Variants in NEBL observed in about 807,000 individuals in gnomAD.
NEBL encodes nebulette.
Under a neutral mutation model 140.2 loss-of-function variants are expected in NEBL, and 122 were observed. That is an observed-to-expected ratio of 0.87 (90% CI 0.75 to 1.01). The LOEUF (loss-of-function observed/expected upper bound fraction) is 1.01, where lower values mean the gene tolerates loss of function less well. Among genes scored for constraint, NEBL ranks in the 50% least tolerant of loss-of-function variants. The pLI is 0.00. For missense variants in NEBL, 1,365 were observed against 1,231.3 expected, an observed-to-expected ratio of 1.11 and a Z score of -1.62; for synonymous variants, 436 against 398.9, an observed-to-expected ratio of 1.09 and a Z score of -1.11.
intron 2 of NEBL, among the ~76,000 whole-genome samples, chr10:21,156,519 T>C (rs1043644354): frequency 1.3e-5 from 2 of 152,038 alleles, no homozygotes; most frequent in Non-Finnish European, 2.9e-5. Context: ...GAGAATAGGC[T>C]AACCAGGGAG....
chr10:20,998,402 C>T (rs1343700852), intron 3 of NEBL, among the ~76,000 whole-genome samples: 2 of 152,172 alleles, frequency 1.3e-5, no homozygotes, highest in African/African-American at 4.8e-5. Context: ...TCATCGTTAA[C>T]TCCCAGTAAA....
upstream of NEBL, among the ~76,000 whole-genome samples, chr10:20,901,447 C>T (rs545171481): frequency 3.3e-5 from 5 of 152,252 alleles, no homozygotes; most frequent in Middle Eastern, 3.4e-3. Flanking sequence ...GACTGTTTCA[C>T]ACTTATTTCA....
At chr10:21,123,388 G>A (rs143355833) in intron 2 of NEBL, among the ~76,000 whole-genome samples, 183 of 152,202 alleles carry the variant, frequency 1.2e-3, no homozygotes, top group African/African-American at 4.3e-3. Flanking sequence ...GAGGATAATC[G>A]CTACTTCATA....
rs147188012 is a variant in NEBL at position 21,007,738 on chromosome 10, A to G, written c.249+12379T>C. Among the ~76,000 whole-genome samples, 596 of 152,316 alleles carry G rather than the reference A, an allele frequency of 3.9e-3. 1 individual carries two copies. The highest frequency in any genetic ancestry group is 0.014 in the African/African-American group (579 of 41,560). On this transcript the variant is annotated intron_variant, in intron 3 of 6. Transcript: ENST00000417816. ...GAACAAACTACACAGAGAAAGACCC[A>G]CTAAAACAGGTAAAGCCTCTTGAAT...
intron 7 of NEBL, among the ~76,000 whole-genome samples, chr10:20,862,932 G>A (rs1417473165): frequency 6.6e-6 from 1 of 151,362 alleles, no homozygotes; most frequent in East Asian, 1.9e-4. Context: ...ATATTTATGG[G>A]GTACATTATA....
chr10:20,911,298 A>G (rs1848323063), intron 4 of NEBL, among the ~76,000 whole-genome samples: 1 of 152,238 alleles, frequency 6.6e-6, no homozygotes, highest in Non-Finnish European at 1.5e-5. Flanking sequence ...CTGAAGTTCA[A>G]AGTTAGCATG....
chr10:21,108,975 T>C (rs1460248889), intron 2 of NEBL, among the ~76,000 whole-genome samples: 3 of 152,198 alleles, frequency 2.0e-5, no homozygotes, highest in Non-Finnish European at 2.9e-5. Flanking sequence ...CTCTTCCTAT[T>C]GGAATACCGT....
Position 20,819,634 on chromosome 10 carries a change from A to C in NEBL, c.1963-118T>G, listed in dbSNP as rs951696086. Reference sequence around the variant, plus strand: ...CAGAACATTCATTAATAAGATCATCATCAGGATTTCATAGTGAAATATGTA... The same window carrying C: ...CAGAACATTCATTAATAAGATCATCCTCAGGATTTCATAGTGAAATATGTA... On this transcript the variant is annotated intron_variant, in intron 19 of 27. Transcript: ENST00000377122. 12 of 1,267,298 alleles carry C rather than the reference A, an allele frequency of 9.5e-6. No homozygotes were observed. In the African/African-American group the frequency reaches 1.6e-4, roughly 17 times the overall value. The allele number at this position is 1,267,298 out of a possible 1,614,324, so 78.5% of individuals were successfully genotyped here. A position where few individuals can be genotyped will look rare whatever the true frequency, so the allele number is the denominator to read the frequency against.
intron 2 of NEBL, chr10:21,070,146 G>A: frequency 2.7e-6 from 1 of 366,592 alleles, no homozygotes; most frequent in Non-Finnish European, 5.5e-6. Context: ...TACTTGAGTT[G>A]GAATTTGGCC....
intron 3 of NEBL, among the ~76,000 whole-genome samples, chr10:20,971,856 G>T (rs1000182687): frequency 6.6e-6 from 1 of 151,854 alleles, no homozygotes; most frequent in Admixed American, 6.6e-5. Context: ...CTCGTGATCC[G>T]CCTGCCTCGG....
intron 5 of NEBL, 115 bp downstream of exon 5, chr10:20,880,679 A>T: frequency 1.2e-6 from 1 of 802,678 alleles, no homozygotes; most frequent in Non-Finnish European, 2.2e-6. Context: ...AAGAAATATT[A>T]AAGTCTTTTT....
intron 2 of NEBL, among the ~76,000 whole-genome samples, chr10:21,150,932 C>T (rs1564528530): frequency 6.6e-6 from 1 of 152,140 alleles, no homozygotes; most frequent in African/African-American, 2.4e-5. Context: ...GTGCTCGATG[C>T]TCAAAAGAGG....
At chr10:21,137,910 G>A (rs1357716213) in intron 2 of NEBL, among the ~76,000 whole-genome samples, 1 of 145,974 alleles carries the variant, frequency 6.9e-6, no homozygotes, top group Non-Finnish European at 1.5e-5. Flanking sequence ...CTGGGTGACA[G>A]AGCAAGACCC....
intron 2 of NEBL, among the ~76,000 whole-genome samples, chr10:21,066,337 C>A (rs1589195992): frequency 1.3e-5 from 2 of 152,134 alleles, no homozygotes; most frequent in East Asian, 3.9e-4. Context: ...GTAATCACCA[C>A]CTAAATAACT....
rs532817321 is a variant in NEBL at position 21,193,230 on chromosome 10, G to C, written n.349-20753C>G. ...GGGGGAAGACGTGGGTGAGCACCTG[G>C]AGACCTGGAAGCTACAGCAGCCAAG... On this transcript the variant is annotated intron_variant and non_coding_transcript_variant, in intron 3 of 8. Coordinates refer to the NEBL transcript ENST00000675702. Among the ~76,000 whole-genome samples the C allele has an allele frequency of 2.0e-5, 3 of 152,328 alleles. No individual in the cohort carries two copies. The East Asian group carries it at 5.8e-4, about 29-fold the overall frequency.
chr10:21,178,758 A>T (rs1404638801), upstream of NEBL, among the ~76,000 whole-genome samples: 1 of 152,252 alleles, frequency 6.6e-6, no homozygotes, highest in South Asian at 2.1e-4. Flanking sequence ...CTTCCAATTT[A>T]TCAAAAGCAT....
chr10:21,014,182 A>G (rs1398948980), intron 3 of NEBL, among the ~76,000 whole-genome samples: 1 of 152,118 alleles, frequency 6.6e-6, no homozygotes, highest in East Asian at 1.9e-4. Flanking sequence ...GGAGTGCAGT[A>G]GTGTGATCGT....
chr10:21,056,295 G>C (rs1030578279), intron 2 of NEBL, among the ~76,000 whole-genome samples: 7 of 152,114 alleles, frequency 4.6e-5, no homozygotes, highest in Admixed American at 2.0e-4. Context: ...ACCTAATATA[G>C]AGTACTTCAA....
At chr10:20,816,272 A>G (rs181975081) in intron 21 of NEBL, among the ~76,000 whole-genome samples, 1 of 152,372 alleles carries the variant, frequency 6.6e-6, no homozygotes, top group African/African-American at 2.4e-5. Context: ...ATAAATATTT[A>G]ACCACAAAAG....
Sources: gnomAD v4.1 joint callset for allele counts (sites outside exome capture counted in the v4.1 genomes callset) on GRCh38, gnomAD v4.1.1 for gene constraint, MANE v1.5 for transcripts, NCBI Gene and HGNC (gene_info 2026-07-23, HGNC 2026-07-21) for gene names.